Variants in FYN observed in about 807,000 individuals in gnomAD.
FYN encodes the protein FYN proto-oncogene, Src family tyrosine kinase, also known as tyrosine-protein kinase Fyn.
A neutral mutation model predicts 70.2 loss-of-function variants in FYN; 10 were observed. That is an observed-to-expected ratio of 0.14 (90% CI 0.09 to 0.24). FYN has a LOEUF of 0.24. Among genes scored for constraint, FYN ranks in the 10% least tolerant of loss-of-function variants. FYN has a pLI of 1.00. For missense variants in FYN, 319 were observed against 673.1 expected, an observed-to-expected ratio of 0.47 and a Z score of 5.82; for synonymous variants, 236 against 248.6, an observed-to-expected ratio of 0.95 and a Z score of 0.48.
intron 3 of FYN, among the ~76,000 whole-genome samples, chr6:111,721,237 C>T (rs779214022): frequency 6.6e-6 from 1 of 152,124 alleles, no homozygotes; most frequent in Admixed American, 6.5e-5. Flanking sequence ...CTTCTGGCAC[C>T]CTTGGCGCCA....
chr6:111,816,332 C>T (rs373213897), intron 2 of FYN, among the ~76,000 whole-genome samples: 128 of 152,222 alleles, frequency 8.4e-4, no homozygotes, highest in African/African-American at 3.0e-3. Context: ...AGCAAAAGCT[C>T]TGATAATAGT....
chr6:111,764,228 A>AGAAAAG (rs1554286118), intron 3 of FYN, among the ~76,000 whole-genome samples: 1 of 134,842 alleles, frequency 7.4e-6, no homozygotes, highest in East Asian at 2.2e-4. Context: ...AAAAAAAAAA[A>AGAAAAG]AAAAGAAAAG....
At chr6:111,711,921 G>C (rs925498259) in intron 5 of FYN, among the ~76,000 whole-genome samples, 1 of 152,184 alleles carries the variant, frequency 6.6e-6, no homozygotes, top group Non-Finnish European at 1.5e-5. Context: ...TCCATTGGCA[G>C]AAAGGAAGAA....
intron 2 of FYN, among the ~76,000 whole-genome samples, chr6:111,839,980 C>T (rs757578557): frequency 6.6e-6 from 1 of 152,180 alleles, no homozygotes; most frequent in Non-Finnish European, 1.5e-5. Flanking sequence ...GCCCATAATT[C>T]CTCTTCTTTA....
intron 1 of FYN, chr6:111,858,402 C>T (rs1264462835): frequency 6.6e-6 from 1 of 152,290 alleles, no homozygotes; most frequent in Non-Finnish European, 1.5e-5. Context: ...TCTCTGCAAG[C>T]TCCTCCTTCC....
chr6:111,730,655 C>A (rs1801406688), intron 3 of FYN, among the ~76,000 whole-genome samples: 1 of 152,152 alleles, frequency 6.6e-6, no homozygotes, highest in South Asian at 2.1e-4. Flanking sequence ...AATGCTTTGA[C>A]TTTGAGCCAC....
intron 2 of FYN, among the ~76,000 whole-genome samples, chr6:111,830,494 GT>G (rs538625534): frequency 1.0e-3 from 137 of 132,558 alleles, no homozygotes; most frequent in African/African-American, 3.4e-3. Context: ...GAGTTAGAAA[GT>G]GTGGTAGCAC....
intron 9 of FYN, chr6:111,699,770 C>A: frequency 8.7e-7 from 1 of 1,147,210 alleles, no homozygotes; most frequent in Non-Finnish European, 1.2e-6. Context: ...TAGGATGACA[C>A]TCAACAAATA....
intron 3 of FYN, among the ~76,000 whole-genome samples, chr6:111,720,541 C>G (rs954375740): frequency 5.3e-5 from 8 of 152,162 alleles, no homozygotes; most frequent in Non-Finnish European, 1.2e-4. Context: ...AACCTTCAAT[C>G]AAGTCACTAG....
At chr6:111,754,215 T>A (rs1421108122) in intron 3 of FYN, among the ~76,000 whole-genome samples, 1 of 152,204 alleles carries the variant, frequency 6.6e-6, no homozygotes, top group Non-Finnish European at 1.5e-5. Context: ...GGAACTCTTC[T>A]ACTGTCTGAA....
chr6:111,867,586 C>T (rs977492613), intron 1 of FYN, among the ~76,000 whole-genome samples: 1 of 151,782 alleles, frequency 6.6e-6, no homozygotes, highest in African/African-American at 2.4e-5. Context: ...GCTTAGATAC[C>T]TGCCCCCTGC....
At chr6:111,730,475 C>G (rs1801396692) in intron 3 of FYN, among the ~76,000 whole-genome samples, 1 of 152,148 alleles carries the variant, frequency 6.6e-6, no homozygotes, top group African/African-American at 2.4e-5. Flanking sequence ...TAGGAGCTCT[C>G]TGTGAGTGAG....
At chr6:111,794,205 T>C (rs1373761197) in intron 2 of FYN, among the ~76,000 whole-genome samples, 1 of 152,268 alleles carries the variant, frequency 6.6e-6, no homozygotes, top group African/African-American at 2.4e-5. Context: ...ATTCAAGCTC[T>C]GTTGTTTTTG....
chr6:111,786,664 A>T (rs192999137), intron 2 of FYN, among the ~76,000 whole-genome samples: 12 of 152,320 alleles, frequency 7.9e-5, no homozygotes, highest in African/African-American at 2.4e-4. Context: ...TGGTTGAACC[A>T]GTTTATAGTC....
At chr6:111,809,969 C>G (rs1339489317) in intron 2 of FYN, among the ~76,000 whole-genome samples, 3 of 152,136 alleles carry the variant, frequency 2.0e-5, no homozygotes, top group Non-Finnish European at 2.9e-5. Context: ...GGTTTTAGTT[C>G]TAACTGCCCT....
At chr6:111,742,420 T>C (rs1802017474) in intron 3 of FYN, among the ~76,000 whole-genome samples, 1 of 152,242 alleles carries the variant, frequency 6.6e-6, no homozygotes, top group Admixed American at 6.5e-5. Context: ...TATACACTGA[T>C]ATTAACATCC....
intron 1 of FYN, among the ~76,000 whole-genome samples, chr6:111,850,207 T>C (rs964466390): frequency 3.3e-5 from 5 of 152,218 alleles, no homozygotes; most frequent in Non-Finnish European, 5.9e-5. Flanking sequence ...AAGATTTAAA[T>C]AATGGTTCAG....
At chr6:111,822,627 T>C (rs1213423044) in intron 2 of FYN, among the ~76,000 whole-genome samples, 1 of 150,042 alleles carries the variant, frequency 6.7e-6, no homozygotes, top group Non-Finnish European at 1.5e-5. Flanking sequence ...CTTAAAGTAT[T>C]ATATATATAT....
chr6:111,743,057 C>A (rs976783471), intron 3 of FYN, among the ~76,000 whole-genome samples: 1 of 151,550 alleles, frequency 6.6e-6, no homozygotes, highest in Admixed American at 6.6e-5. Context: ...ACCTCTGCCT[C>A]CCGGTTTCAA....
Sources: allele counts gnomAD v4.1 joint callset (sites outside exome capture counted in the v4.1 genomes callset), GRCh38; gene constraint gnomAD v4.1.1; transcripts MANE v1.5; gene names NCBI Gene and HGNC (gene_info 2026-07-23, HGNC 2026-07-21).